USP24: variants seen among roughly 807,000 people sequenced by gnomAD.
The protein encoded by USP24 is ubiquitin carboxyl-terminal hydrolase 24.
A neutral mutation model predicts 361.6 loss-of-function variants in USP24; 97 were observed. The ratio of observed to expected loss-of-function variants is 0.27; its 90% CI spans 0.23 to 0.32. USP24 has a LOEUF of 0.32. Ranked by LOEUF, USP24 falls within the 10% of genes least tolerant of loss-of-function variation. The pLI is 1.00. For synonymous variants in USP24, 1,098 were observed against 1,124.6 expected (o/e 0.98, Z 0.47); for missense variants, 2,353 against 3,165.6 (o/e 0.74, Z 6.16).
chr1:55,215,035 G>T lies in USP24; in HGVS notation c.79C>A (p.Leu27Met), dbSNP rs1435586129. ...FSDPATIRKA[L>M]RLAKNDINEA... is the part of the protein sequence containing the mutation. The stretch of plus-strand genomic sequence containing the variant: ...TTAATGTCGTTCTTGGCCAGGCGCA[G>T]GGCCTTGCGGATGGTGGCGGGGTCT... The change falls in exon 1 of 68, where the codon CTG becomes ATG. Residue 27 changes from leucine to methionine, a missense_variant. By Grantham distance (15) the Leu-to-Met change is conservative. Transcript: ENST00000294383. 1 of 1,473,582 alleles carries T rather than the reference G, an allele frequency of 6.8e-7. No homozygotes were observed. The highest frequency in any genetic ancestry group is 9.0e-7 in the Non-Finnish European group (1 of 1,110,490). The allele number at this position is 1,473,582 out of a possible 1,614,324, so 91.3% of individuals were successfully genotyped here. A position where few individuals can be genotyped will look rare whatever the true frequency, so the allele number is the denominator to read the frequency against.
intron 38 of USP24, among the ~76,000 whole-genome samples, chr1:55,118,296 T>C (rs540246021): frequency 5.9e-5 from 9 of 152,140 alleles, no homozygotes; most frequent in Admixed American, 3.9e-4. Flanking sequence ...AATAGAAATA[T>C]AGAACTCAAA....
intron 4 of USP24, among the ~76,000 whole-genome samples, chr1:55,172,158 T>C (rs938063183): frequency 1.3e-5 from 2 of 152,184 alleles, no homozygotes; most frequent in African/African-American, 4.8e-5. Flanking sequence ...CATTTAATCA[T>C]TCCGTAAGTT....
chr1:55,072,120 T>C (rs1644934315), intron 66 of USP24, among the ~76,000 whole-genome samples, 196 bp from the exon 67 acceptor site: 1 of 152,152 alleles, frequency 6.6e-6, no homozygotes. Context: ...ATGACTTTCC[T>C]TCTAGACAAA....
intron 37 of USP24, among the ~76,000 whole-genome samples, 154 bp downstream of exon 37, chr1:55,121,282 G>T (rs1331763706): frequency 6.6e-6 from 1 of 152,170 alleles, no homozygotes; most frequent in Non-Finnish European, 1.5e-5. Flanking sequence ...GAGTCCAAAT[G>T]GTTACTTTTC....
intron 35 of USP24, 147 bp downstream of exon 35, chr1:55,124,322 G>T: frequency 1.2e-6 from 1 of 857,298 alleles, no homozygotes; most frequent in Non-Finnish European, 1.8e-6. Flanking sequence ...AATACTAAGT[G>T]TATACAGAGC....
chr1:55,103,090 C>T (rs1344290143), intron 42 of USP24, among the ~76,000 whole-genome samples: 2 of 152,202 alleles, frequency 1.3e-5, no homozygotes, highest in Non-Finnish European at 2.9e-5. Flanking sequence ...CTTCCCATTT[C>T]TAGTCTGTAT....
intron 38 of USP24, among the ~76,000 whole-genome samples, chr1:55,117,076 A>C (rs1373976834): frequency 6.6e-6 from 1 of 152,250 alleles, no homozygotes; most frequent in African/African-American, 2.4e-5. Flanking sequence ...GAAAGAAAGA[A>C]AAAGACCCAC....
chr1:55,197,684 G>C (rs770904521), intron 1 of USP24, among the ~76,000 whole-genome samples: 3 of 152,070 alleles, frequency 2.0e-5, no homozygotes, highest in Non-Finnish European at 4.4e-5. Flanking sequence ...ATTCTCTATT[G>C]TATCTCCAAT....
chr1:55,148,373 G>T, intron 17 of USP24, 90 bp downstream of exon 17: 1 of 886,808 alleles, frequency 1.1e-6, no homozygotes, highest in Non-Finnish European at 1.7e-6. Flanking sequence ...CATAAAGATA[G>T]TGACTATAAA....
Position 55,140,915 on chromosome 1 carries a change from G to C in USP24, c.2750+701C>G, listed in dbSNP as rs549633250. Among the ~76,000 whole-genome samples the C allele has an allele frequency of 2.2e-4, 34 of 152,196 alleles. 2 individuals carry two copies. In the South Asian group the frequency reaches 7.1e-3, roughly 32 times the overall value. ...CTCCTATTCATGAAATCTGAGTTTA[G>C]TGAAATCTGTTATCAGAGAACTACA... On this transcript the variant is annotated intron_variant, in intron 24 of 67. Transcript: ENST00000294383.
intron 36 of USP24, 37 bp downstream of exon 36, chr1:55,123,410 C>T (rs574558337): frequency 8.2e-5 from 122 of 1,495,580 alleles, no homozygotes; most frequent in South Asian, 6.5e-4. Context: ...TGGCCTTTCC[C>T]TGAAAGAGAT....
intron 7 of USP24, among the ~76,000 whole-genome samples, chr1:55,164,794 T>G (rs2100777161): frequency 6.6e-6 from 1 of 151,966 alleles, no homozygotes; most frequent in South Asian, 2.1e-4. Flanking sequence ...AATTTGGGAG[T>G]GCTCTGTATT....
intron 28 of USP24, among the ~76,000 whole-genome samples, chr1:55,135,181 C>T (rs1035049553): frequency 1.3e-5 from 2 of 152,032 alleles, no homozygotes; most frequent in African/African-American, 2.4e-5. Context: ...ATGGGGGTCT[C>T]GCTATGTTGG....
intron 34 of USP24, among the ~76,000 whole-genome samples, 152 bp from the exon 35 acceptor site, chr1:55,124,780 A>C (rs1461930765): frequency 6.6e-6 from 1 of 152,190 alleles, no homozygotes; most frequent in Non-Finnish European, 1.5e-5. Context: ...ATCCTGCTCA[A>C]GGGCTTTCAA....
At chr1:55,095,487 T>C (rs1645476157) in intron 50 of USP24, 91 bp from the exon 51 acceptor site, 1 of 1,381,892 alleles carries the variant, frequency 7.2e-7, no homozygotes, top group Middle Eastern at 2.5e-4. Flanking sequence ...TTCCAGCAAG[T>C]AGTTAACTAC....
intron 30 of USP24, among the ~76,000 whole-genome samples, chr1:55,132,902 A>G (rs998739173): frequency 2.0e-5 from 3 of 152,204 alleles, no homozygotes; most frequent in Non-Finnish European, 2.9e-5. Context: ...CTAAATGTTC[A>G]ATAAGATTCA....
rs561329549 is a variant in USP24, at chr1:55,147,804, C to A, written c.1969-6G>T. On this transcript the variant is annotated splice_region_variant and splice_polypyrimidine_tract_variant and intron_variant, in intron 17 of 67. Coordinates refer to ENST00000294383, the MANE Select transcript of USP24 (RefSeq NM_015306.3). ...TTCAAGTCTTGAATAATGCTCTTGG[C>A]GAAAATAACAAAAAGAAAAGTGGTA... The A allele has an allele frequency of 2.5e-6, 4 of 1,608,002 alleles. No individual in the cohort carries two copies. Among genetic ancestry groups the A allele is most frequent in the East Asian group, 2.2e-5 (1 of 44,570 alleles).
intron 38 of USP24, among the ~76,000 whole-genome samples, chr1:55,113,046 T>C (rs2100560726): frequency 6.6e-6 from 1 of 152,344 alleles, no homozygotes; most frequent in South Asian, 2.1e-4. Context: ...TTTTGACCTT[T>C]GTTGGTTTAA....
intron 67 of USP24, among the ~76,000 whole-genome samples, chr1:55,069,567 C>T (rs867768207): frequency 6.6e-6 from 1 of 151,978 alleles, no homozygotes; most frequent in Non-Finnish European, 1.5e-5. Context: ...GAATACTCAC[C>T]GTGTGCCATG....
Sources: gnomAD v4.1 joint callset for allele counts (sites outside exome capture counted in the v4.1 genomes callset) on GRCh38, gnomAD v4.1.1 for gene constraint, MANE v1.5 for transcripts, NCBI Gene and HGNC (gene_info 2026-07-23, HGNC 2026-07-21) for gene names.